KLHDC4: variants seen among roughly 807,000 people sequenced by gnomAD.
The protein encoded by KLHDC4 is kelch domain containing 4.
KLHDC4 carries 90 observed loss-of-function variants against 62.4 expected under a neutral mutation model. The ratio of observed to expected loss-of-function variants is 1.44; its 90% CI spans 1.22 to 1.72. The LOEUF (loss-of-function observed/expected upper bound fraction) is 1.72, where lower values mean the gene tolerates loss of function less well. KLHDC4 is among the 40% of genes most tolerant of loss of function. The pLI, the probability that KLHDC4 is intolerant of heterozygous loss-of-function variation, is 0.00. For missense variants in KLHDC4, 1,025 were observed against 699.7 expected, an observed-to-expected ratio of 1.47 and a Z score of -5.25; for synonymous variants, 386 against 284.4, an observed-to-expected ratio of 1.36 and a Z score of -3.59.
At chr16:87,738,359 A>ACGCACG (rs34851514) in intron 5 of KLHDC4, among the ~76,000 whole-genome samples, 1 of 138,628 alleles carries the variant, frequency 7.2e-6, no homozygotes, top group African/African-American at 3.2e-5. Context: ...ACGGACGTGC[A>ACGCACG]CACACACACA....
At chr16:87,760,564 G>T (rs2045717310) in intron 2 of KLHDC4, among the ~76,000 whole-genome samples, 2 of 135,006 alleles carry the variant, frequency 1.5e-5, no homozygotes, top group Non-Finnish European at 3.0e-5. Context: ...CCAAGATGGC[G>T]CCACTGTACT....
rs762830210 is a variant in KLHDC4, at chr16:87,738,638, TCATC to T, written c.507-7998_507-7995del. Among the ~76,000 whole-genome samples, 37 of 117,068 alleles carry T rather than the reference TCATC, an allele frequency of 3.2e-4. 3 individuals are homozygous for T. In the East Asian group the frequency reaches 7.6e-3, roughly 24 times the overall value. 76.8% of individuals were successfully genotyped at this position (117,068 alleles called of 152,430 possible). A position where few individuals can be genotyped will look rare whatever the true frequency, so the allele number is the denominator to read the frequency against. Reference sequence around the variant, plus strand: ...CCTCATCCATCCACACACCAGCATCTCATCCATCCACACACCAGCATCTCATCCA... The same window carrying T: ...CCTCATCCATCCACACACCAGCATCTCATCCACACACCAGCATCTCATCCA... On this transcript the variant is annotated intron_variant, in intron 5 of 11. Transcript: ENST00000270583.
intron 5 of KLHDC4, among the ~76,000 whole-genome samples, chr16:87,742,303 C>A (rs1212789431): frequency 1.3e-5 from 2 of 152,144 alleles, no homozygotes; most frequent in African/African-American, 4.8e-5. Context: ...GACGATCCGG[C>A]CACATAGCAC....
At chr16:87,752,491 G>A (rs2044167778) in intron 4 of KLHDC4, among the ~76,000 whole-genome samples, 2 of 151,764 alleles carry the variant, frequency 1.3e-5, no homozygotes, top group Admixed American at 6.6e-5. Context: ...CACGCGCCAC[G>A]ACGCCCAGGT....
At chr16:87,746,162 A>AG (rs1391559889) in intron 5 of KLHDC4, among the ~76,000 whole-genome samples, 2 of 151,968 alleles carry the variant, frequency 1.3e-5, no homozygotes, top group South Asian at 2.1e-4. Flanking sequence ...CCTGGCTACT[A>AG]GGGGGGCTGA....
In KLHDC4 at chr16:87,761,964, G is replaced by A; in HGVS notation, c.176C>T (p.Pro59Leu). ...ACTTGCTCACCTTGGTGAGGGTGGG[G>A]GGCACGGAAGTTCCACAGTCTGAGT... is the stretch of plus-strand genomic sequence containing the variant. Reference protein sequence around the residue: ...KRTQTVELPCPPPSPRLNASL... With the variant: ...KRTQTVELPCLPPSPRLNASL... The change falls in exon 2 of 12, where the codon CCC becomes CTC. Residue 59 changes from proline to leucine, a missense_variant. Transcript: ENST00000270583. 4 of 1,613,742 alleles carry A rather than the reference G, an allele frequency of 2.5e-6. No individual in the cohort carries two copies. The highest frequency in any genetic ancestry group is 3.4e-6 in the Non-Finnish European group (4 of 1,179,870).
intron 5 of KLHDC4, among the ~76,000 whole-genome samples, chr16:87,745,174 G>A (rs2042857009): frequency 6.6e-6 from 1 of 152,140 alleles, no homozygotes; most frequent in Non-Finnish European, 1.5e-5. Context: ...CTGAGCGGTG[G>A]GGGCATGTTC....
chr16:87,724,058 G>C (rs1177241007), intron 7 of KLHDC4, among the ~76,000 whole-genome samples: 2 of 152,016 alleles, frequency 1.3e-5, no homozygotes, highest in African/African-American at 4.8e-5. Context: ...GGCTGATCTC[G>C]AACTCCTGAC....
At chr16:87,722,671 C>G (rs533483125) in intron 7 of KLHDC4, among the ~76,000 whole-genome samples, 2 of 152,224 alleles carry the variant, frequency 1.3e-5, no homozygotes, top group Non-Finnish European at 2.9e-5. Context: ...GACAAGGACA[C>G]GCAGGGGGAT....
At chr16:87,741,273 T>A (rs928689609) in intron 5 of KLHDC4, among the ~76,000 whole-genome samples, 1 of 152,242 alleles carries the variant, frequency 6.6e-6, no homozygotes, top group Non-Finnish European at 1.5e-5. Context: ...CAGCCAGCGC[T>A]GGCCTGGACA....
chr16:87,740,854 C>G (rs565657813), intron 5 of KLHDC4: 1 of 152,294 alleles, frequency 6.6e-6, no homozygotes, highest in East Asian at 1.9e-4. Context: ...AACAAACACA[C>G]AGAAACAAAA....
At chr16:87,755,565 T>C (rs1351384630) in intron 3 of KLHDC4, 1 of 263,596 alleles carries the variant, frequency 3.8e-6, no homozygotes, top group Non-Finnish European at 7.4e-6. Context: ...TCCAGCCTAG[T>C]TTTTTTGTTT....
At chr16:87,729,185 T>C (rs760615511) in intron 6 of KLHDC4, 1 of 152,166 alleles carries the variant, frequency 6.6e-6, no homozygotes, top group Non-Finnish European at 1.5e-5. Flanking sequence ...TGAGACTATA[T>C]CAGTGAAGAA....
intron 5 of KLHDC4, among the ~76,000 whole-genome samples, chr16:87,733,832 T>C (rs1159164466): frequency 3.9e-5 from 6 of 152,198 alleles, no homozygotes; most frequent in Non-Finnish European, 7.3e-5. Context: ...GGATCCTCCG[T>C]GGCTTTCACA....
chr16:87,743,776 T>G (rs2042606057), intron 5 of KLHDC4, among the ~76,000 whole-genome samples: 1 of 151,216 alleles, frequency 6.6e-6, no homozygotes, highest in Non-Finnish European at 1.5e-5. Flanking sequence ...AATAAATAAA[T>G]AAACCTAACT....
intron 4 of KLHDC4, among the ~76,000 whole-genome samples, chr16:87,753,838 T>C (rs1264900044): frequency 6.7e-6 from 1 of 148,294 alleles, no homozygotes; most frequent in Non-Finnish European, 1.5e-5. Flanking sequence ...CCAAGCGTGG[T>C]GGCGGGTACC....
intron 5 of KLHDC4, among the ~76,000 whole-genome samples, chr16:87,741,547 A>C (rs1451524240): frequency 6.6e-6 from 1 of 152,164 alleles, no homozygotes; most frequent in East Asian, 1.9e-4. Context: ...TTTCATCCTG[A>C]AACCGTCATC....
chr16:87,752,264 A>G (rs1016261616), intron 4 of KLHDC4, among the ~76,000 whole-genome samples: 3 of 149,936 alleles, frequency 2.0e-5, no homozygotes, highest in African/African-American at 7.3e-5. Context: ...AAAAAAAAAG[A>G]CCAAAAAGAA....
At position 87,714,548 on chromosome 16, in the gene KLHDC4, C is replaced by CCCT. The variant is rs2036550227; in HGVS notation, c.782_784dup (p.Lys261_Gly262insGlu). On this transcript the variant is annotated inframe_insertion, in exon 8 of 12. Transcript: ENST00000270583. Reference sequence around the variant, plus strand: ...CAGGAACATGTCTGAGTGCCGTGTGCCCTTGTCCACGTCTTTCTTAACTCT... The same window carrying CCCT: ...CAGGAACATGTCTGAGTGCCGTGTGCCCTCCTTGTCCACGTCTTTCTTAACTCT... 1.8e-5 allele frequency: 29 copies of CCCT among 1,614,158 alleles called. No individual in the cohort carries two copies. Among genetic ancestry groups the CCCT allele is most frequent in the Non-Finnish European group, 2.5e-5 (29 of 1,180,014 alleles).
Sources: gnomAD v4.1 joint callset for allele counts (sites outside exome capture counted in the v4.1 genomes callset) on GRCh38, gnomAD v4.1.1 for gene constraint, MANE v1.5 for transcripts, NCBI Gene and HGNC (gene_info 2026-07-23, HGNC 2026-07-21) for gene names.